Variants in OSCP1 observed in about 807,000 individuals in gnomAD.
OSCP1 encodes the protein organic solute carrier partner 1, also known as protein OSCP1.
Under a neutral mutation model 45.1 loss-of-function variants are expected in OSCP1, and 35 were observed. The observed-to-expected ratio is 0.78, with a 90% CI of 0.59 to 1.03. OSCP1 has a LOEUF of 1.03. Among genes scored for constraint, OSCP1 ranks in the 50% least tolerant of loss-of-function variants. OSCP1 has a pLI of 0.00. For synonymous variants in OSCP1, 179 were observed against 180.1 expected, an observed-to-expected ratio of 0.99 and a Z score of 0.05; for missense variants, 400 against 470.7, an observed-to-expected ratio of 0.85 and a Z score of 1.39.
chr1:36,430,150 C>A (rs1648266285), intron 4 of OSCP1, among the ~76,000 whole-genome samples: 1 of 151,894 alleles, frequency 6.6e-6, no homozygotes, highest in Admixed American at 6.6e-5. Context: ...TCAAGTGATC[C>A]TCCTACCTCA....
At chr1:36,429,812 ATT>A (rs34228845) in intron 4 of OSCP1, among the ~76,000 whole-genome samples, 13 of 139,444 alleles carry the variant, frequency 9.3e-5, no homozygotes, top group East Asian at 4.1e-4. Context: ...CAGTAGCATG[ATT>A]TTTTTTTTTT....
chr1:36,428,173 G>C, intron 4 of OSCP1: 4 of 1,196,426 alleles, frequency 3.3e-6, no homozygotes, highest in Non-Finnish European at 4.3e-6. Context: ...CTGGGCGACA[G>C]AGCCAGACTG....
intron 1 of OSCP1, among the ~76,000 whole-genome samples, chr1:36,440,254 A>C (rs1237326791): frequency 6.6e-6 from 1 of 152,214 alleles, no homozygotes; most frequent in Non-Finnish European, 1.5e-5. Flanking sequence ...AATTGACAGA[A>C]GTACCCGGAG....
At chr1:36,448,730 G>A (rs1014098279) in intron 1 of OSCP1, among the ~76,000 whole-genome samples, 31 of 152,170 alleles carry the variant, frequency 2.0e-4, no homozygotes, top group African/African-American at 6.8e-4. Flanking sequence ...ACAGAAATAC[G>A]AACAAACATG....
chr1:36,418,341 C>T (rs1199204790), intron 9 of OSCP1, 86 bp from the exon 10 acceptor site: 8 of 1,162,180 alleles, frequency 6.9e-6, no homozygotes, highest in Non-Finnish European at 7.7e-6. Flanking sequence ...AGTTTTTTGT[C>T]CCATGACTGA....
In OSCP1 at chr1:36,431,897, C is replaced by A; in HGVS notation, c.436-15G>T. ...CCACCATATATCTGCCAAAGGCAAG[C>A]AGAAAGCAGCACTTCACTTTCCAAG... On this transcript the variant is annotated splice_polypyrimidine_tract_variant and intron_variant, in intron 3 of 9. Coordinates refer to ENST00000235532, the MANE Select transcript of OSCP1 (RefSeq NM_145047.5). 6.2e-7 allele frequency: 1 copy of A among 1,610,648 alleles called. No homozygotes were observed. Among genetic ancestry groups the A allele is most frequent in the Non-Finnish European group, 8.5e-7 (1 of 1,179,102 alleles).
chr1:36,420,271 C>T (rs1208404900), intron 8 of OSCP1: 9 of 622,736 alleles, frequency 1.4e-5, no homozygotes, highest in Admixed American at 7.3e-5. Context: ...CCACTGCACC[C>T]GGCCCCATCT....
In OSCP1 at chr1:36,431,784, G is replaced by A; in HGVS notation, c.516+18C>T. ...TACAGCAGCTCCTGAGTGTTCCCAG[G>A]GCTGCCTATTGACTTACTCGGATGT... On this transcript the variant is annotated intron_variant, in intron 4 of 9. Coordinates refer to ENST00000235532, the MANE Select transcript of OSCP1 (RefSeq NM_145047.5). 6.2e-7 allele frequency: 1 copy of A among 1,611,462 alleles called. No individual in the cohort carries two copies. The highest frequency in any genetic ancestry group is 1.1e-5 in the South Asian group (1 of 90,918).
At chr1:36,425,968 G>T (rs968077947) in intron 4 of OSCP1, among the ~76,000 whole-genome samples, 1 of 152,184 alleles carries the variant, frequency 6.6e-6, no homozygotes, top group South Asian at 2.1e-4. Flanking sequence ...GTCTGGAGCT[G>T]AGCCTGGAGG....
At chr1:36,433,331 A>G (rs972261270) in intron 2 of OSCP1, among the ~76,000 whole-genome samples, 5 of 152,214 alleles carry the variant, frequency 3.3e-5, no homozygotes, top group African/African-American at 1.2e-4. Flanking sequence ...TGAGGGAAAC[A>G]GTACATGTGA....
Position 36,428,208 on chromosome 1 carries a change from AAAG to A in OSCP1, c.516+3591_516+3593del, listed in dbSNP as rs1648112212. ...GCATCTCAAAAAAAAAAAAAAAAAA[AAAG>A]AAAGAAAAATTTGGCATCAGAATTG... is the stretch of plus-strand genomic sequence containing the variant. On this transcript the variant is annotated intron_variant, in intron 4 of 9. Coordinates refer to ENST00000235532, the MANE Select transcript of OSCP1 (RefSeq NM_145047.5). 5.9e-6 allele frequency: 8 copies of A among 1,363,054 alleles called. No homozygotes were observed. The Admixed American group carries it at 8.6e-5, about 15-fold the overall frequency. The allele number at this position is 1,363,054 out of a possible 1,614,324, so 84.4% of individuals were successfully genotyped here.
Position 36,450,345 on chromosome 1 carries a change from G to A in OSCP1, c.25C>T (p.Leu9Phe). 6.2e-7 allele frequency: 1 copy of A among 1,613,980 alleles called. No homozygotes were observed. Among genetic ancestry groups the A allele is most frequent in the Non-Finnish European group, 8.5e-7 (1 of 1,179,940 alleles). Residue 9 changes from leucine to phenylalanine, a missense_variant, in exon 1 of 10, where the codon CTC becomes TTC. Leu to Phe is a conservative substitution (Grantham distance 22). Coordinates refer to ENST00000235532, the MANE Select transcript of OSCP1 (RefSeq NM_145047.5). The part of the protein sequence containing the change: MSVRTLPL[L>F]FLNLGGEMLY... Reference sequence around the variant, plus strand: ...ATCTCCCCGCCCAAGTTCAAGAAGAGCAGCGGTAGCGTCCGCACCGACATG... The same window carrying A: ...ATCTCCCCGCCCAAGTTCAAGAAGAACAGCGGTAGCGTCCGCACCGACATG...
At chr1:36,438,948 T>C in intron 1 of OSCP1, 38 bp from the exon 2 acceptor site, 1 of 1,603,176 alleles carries the variant, frequency 6.2e-7, no homozygotes, top group East Asian at 2.2e-5. Context: ...AGCAAAGTAC[T>C]GAAGCAAGCC....
intron 1 of OSCP1, among the ~76,000 whole-genome samples, chr1:36,445,905 G>A (rs1035053819): frequency 6.6e-6 from 1 of 151,896 alleles, no homozygotes; most frequent in Non-Finnish European, 1.5e-5. Context: ...TAGAGACGGG[G>A]TTTCTCCATG....
chr1:36,440,165 G>A (rs1159993073), intron 1 of OSCP1, among the ~76,000 whole-genome samples: 1 of 152,226 alleles, frequency 6.6e-6, no homozygotes, highest in African/African-American at 2.4e-5. Flanking sequence ...CCAGATGACT[G>A]CCTGTGGCCA....
At chr1:36,427,505 G>A (rs1428155636) in intron 4 of OSCP1, among the ~76,000 whole-genome samples, 1 of 151,522 alleles carries the variant, frequency 6.6e-6, no homozygotes, top group Non-Finnish European at 1.5e-5. Flanking sequence ...TTTTAGTAGA[G>A]ACGGGGTTTC....
chr1:36,427,299 C>CTTTTTTTTTTTTTTTTTTT lies in OSCP1; in HGVS notation c.517-3834_517-3833insAAAAAAAAAAAAAAAAAAA, dbSNP rs71053929. On this transcript the variant is annotated intron_variant, in intron 4 of 9. Transcript: ENST00000235532. ...ACAGGCGTGAGCCATGGCGCCTGGC[C>CTTTTTTTTTTTTTTTTTTT]TTTTTTTTTTTTTTTGACACAGAGT... is the stretch of plus-strand genomic sequence containing the variant. Among the ~76,000 whole-genome samples, 106 of 96,300 alleles carry CTTTTTTTTTTTTTTTTTTT rather than the reference C, an allele frequency of 1.1e-3. 7 individuals carry two copies. Among genetic ancestry groups the CTTTTTTTTTTTTTTTTTTT allele is most frequent in the African/African-American group, 4.1e-3 (86 of 20,822 alleles). The allele number at this position is 96,300 out of a possible 152,430, so 63.2% of individuals were successfully genotyped here.
chr1:36,423,543 G>A (rs1460829049), intron 4 of OSCP1, 77 bp from the exon 5 acceptor site: 12 of 1,184,576 alleles, frequency 1.0e-5, no homozygotes, highest in African/African-American at 3.0e-5. Context: ...TGGAAAGTGC[G>A]TAATGGTTTG....
At chr1:36,418,348 C>A in intron 9 of OSCP1, 93 bp from the exon 10 acceptor site, 1 of 1,030,530 alleles carries the variant, frequency 9.7e-7, no homozygotes. Context: ...TGTCCCATGA[C>A]TGATATGTTT....
Sources: gnomAD v4.1 joint callset for allele counts (sites outside exome capture counted in the v4.1 genomes callset) on GRCh38, gnomAD v4.1.1 for gene constraint, MANE v1.5 for transcripts, NCBI Gene and HGNC (gene_info 2026-07-23, HGNC 2026-07-21) for gene names.